MAF: variants seen among roughly 807,000 people sequenced by gnomAD.
The protein encoded by MAF is transcription factor Maf.
In MAF, 10 loss-of-function variants were observed where a neutral mutation model predicts 22.0. That is an observed-to-expected ratio of 0.45 (90% CI 0.28 to 0.77). MAF has a LOEUF of 0.77. MAF is among the 30% of genes least tolerant of loss of function. The pLI, the probability that MAF is intolerant of heterozygous loss-of-function variation, is 0.12. For missense variants in MAF, 544 were observed against 548.4 expected, an observed-to-expected ratio of 0.99 and a Z score of 0.08; for synonymous variants, 337 against 255.8, an observed-to-expected ratio of 1.32 and a Z score of -3.03.
the MAF span, among the ~76,000 whole-genome samples, chr16:79,506,083 C>T: frequency 1.3e-5 from 2 of 152,060 alleles, no homozygotes; most frequent in East Asian, 1.9e-4. Context: ...GATGTCTCTC[C>T]TACTGAGCAG....
the MAF span, among the ~76,000 whole-genome samples, chr16:79,519,873 G>A: frequency 7.2e-5 from 11 of 152,298 alleles, no homozygotes; most frequent in Admixed American, 2.0e-4. Flanking sequence ...TTGACTGCTC[G>A]CCCATCCTGC....
chr16:79,291,147 A>T, the MAF span, among the ~76,000 whole-genome samples: 6 of 152,230 alleles, frequency 3.9e-5, no homozygotes, highest in South Asian at 1.2e-3. Flanking sequence ...TGCATTTAGG[A>T]AATGGGGCCG....
the MAF span, among the ~76,000 whole-genome samples, chr16:79,312,829 A>G: frequency 3.3e-5 from 5 of 152,168 alleles, no homozygotes; most frequent in Non-Finnish European, 7.3e-5. Flanking sequence ...TCGGCTACAT[A>G]TAAGACAGGC....
the MAF span, among the ~76,000 whole-genome samples, chr16:79,363,753 C>T: frequency 6.6e-6 from 1 of 152,174 alleles, no homozygotes; most frequent in East Asian, 1.9e-4. Context: ...GGCAAGACTT[C>T]AAAATAGGAG....
chr16:79,451,808 G>C, the MAF span, among the ~76,000 whole-genome samples: 6 of 152,144 alleles, frequency 3.9e-5, no homozygotes, highest in Non-Finnish European at 8.8e-5. Context: ...TATGCTTCTA[G>C]ACTTTTGCTA....
the MAF span, among the ~76,000 whole-genome samples, chr16:79,370,123 T>C: frequency 6.6e-6 from 1 of 152,214 alleles, no homozygotes; most frequent in Non-Finnish European, 1.5e-5. Context: ...AAAGTCTCCT[T>C]CCCCAGGAGG....
the MAF span, among the ~76,000 whole-genome samples, chr16:79,341,939 G>C: frequency 6.6e-6 from 1 of 152,228 alleles, no homozygotes; most frequent in Non-Finnish European, 1.5e-5. Flanking sequence ...GATGGAAAGT[G>C]ATGTGATCTC....
chr16:79,596,017 G>C, intron 1 of MAF: 1 of 1,060,748 alleles, frequency 9.4e-7, no homozygotes, highest in Non-Finnish European at 1.1e-6. Flanking sequence ...GTGTGTAAGA[G>C]AAGAAGGAAA....
At chr16:79,331,273 G>A in the MAF span, among the ~76,000 whole-genome samples, 1 of 152,192 alleles carries the variant, frequency 6.6e-6, no homozygotes. Flanking sequence ...ACTCCCATCA[G>A]TCAACATATA....
chr16:79,294,972 G>A, the MAF span, among the ~76,000 whole-genome samples: 1 of 151,220 alleles, frequency 6.6e-6, no homozygotes, highest in South Asian at 2.1e-4. Context: ...GATAGGCATC[G>A]TTCTCCCCTT....
the MAF span, among the ~76,000 whole-genome samples, chr16:79,461,396 ACCCAGTC>A: frequency 6.6e-6 from 1 of 152,102 alleles, no homozygotes; most frequent in Non-Finnish European, 1.5e-5. Flanking sequence ...CAACTTGGGA[ACCCAGTC>A]TCCTTTACCC....
At chr16:79,538,411 A>G in the MAF span, among the ~76,000 whole-genome samples, 2 of 152,200 alleles carry the variant, frequency 1.3e-5, no homozygotes, top group Non-Finnish European at 2.9e-5. Flanking sequence ...TAAATTCTAA[A>G]TGCACTGAAT....
At chr16:79,214,081 C>CTTTCTTCCTCACTGA in the MAF span, among the ~76,000 whole-genome samples, 12 of 152,094 alleles carry the variant, frequency 7.9e-5, no homozygotes, top group African/African-American at 2.9e-4. Flanking sequence ...ACCAGCATGC[C>CTTTCTTCCTCACTGA]TTTCTTCCTC....
At chr16:79,283,967 CAAAAA>C in the MAF span, among the ~76,000 whole-genome samples, 1 of 115,586 alleles carries the variant, frequency 8.7e-6, no homozygotes, top group Non-Finnish European at 1.7e-5. Context: ...ACCTCCTCCT[CAAAAA>C]AAAAAAAAAA....
chr16:79,216,167 G>A, the MAF span, among the ~76,000 whole-genome samples: 9 of 141,154 alleles, frequency 6.4e-5, no homozygotes, highest in East Asian at 3.9e-4. Context: ...TATGTATGTC[G>A]TGCACGTGTA....
the MAF span, among the ~76,000 whole-genome samples, chr16:79,216,399 A>G: frequency 6.6e-6 from 1 of 152,214 alleles, no homozygotes; most frequent in Non-Finnish European, 1.5e-5. Context: ...TCCCTAACTC[A>G]TGATGGTTTG....
chr16:79,257,905 C>T, the MAF span, among the ~76,000 whole-genome samples: 1 of 152,108 alleles, frequency 6.6e-6, no homozygotes, highest in African/African-American at 2.4e-5. Flanking sequence ...GAAAATTTTG[C>T]CCAGATGTTA....
At chr16:79,467,297 G>A in the MAF span, among the ~76,000 whole-genome samples, 1 of 152,032 alleles carries the variant, frequency 6.6e-6, no homozygotes, top group African/African-American at 2.4e-5. Context: ...CAATCATACA[G>A]TCACCCTTAC....
At chr16:79,211,690 G>A in the MAF span, 22 of 1,614,108 alleles carry the variant, frequency 1.4e-5, no homozygotes, top group African/African-American at 2.7e-5. Flanking sequence ...AACAACTGCT[G>A]CCGCTGCATG....
Sources: allele counts gnomAD v4.1 joint callset (sites outside exome capture counted in the v4.1 genomes callset), GRCh38; gene constraint gnomAD v4.1.1; transcripts MANE v1.5; gene names NCBI Gene and HGNC (gene_info 2026-07-23, HGNC 2026-07-21).